USP28: variants seen among roughly 807,000 people sequenced by gnomAD.
USP28 encodes the protein ubiquitin specific peptidase 28, also known as ubiquitin carboxyl-terminal hydrolase 28.
Under a neutral mutation model 145.0 loss-of-function variants are expected in USP28, and 113 were observed. That is an observed-to-expected ratio of 0.78 (90% CI 0.67 to 0.91). The LOEUF is 0.91. USP28 is among the 40% of genes least tolerant of loss of function. The pLI, the probability that USP28 is intolerant of heterozygous loss-of-function variation, is 0.00. For synonymous variants in USP28, 447 were observed against 450.9 expected (o/e 0.99, Z 0.11); for missense variants, 1,201 against 1,289.6 (o/e 0.93, Z 1.05).
At chr11:113,816,469 T>C (rs992663700) in intron 13 of USP28, among the ~76,000 whole-genome samples, 5 of 152,054 alleles carry the variant, frequency 3.3e-5, no homozygotes, top group African/African-American at 1.2e-4. Context: ...GCTGAGATCA[T>C]GCCACTGTAC....
chr11:113,808,498 T>TA, intron 17 of USP28, 61 bp from the exon 18 acceptor site: 1 of 1,577,704 alleles, frequency 6.3e-7, no homozygotes, highest in Non-Finnish European at 8.6e-7. Context: ...AACACTCAGA[T>TA]AAAAAGCAAG....
intron 16 of USP28, among the ~76,000 whole-genome samples, chr11:113,809,986 G>T (rs1316231172): frequency 6.7e-6 from 1 of 148,796 alleles, no homozygotes; most frequent in Non-Finnish European, 1.5e-5. Context: ...AGTAAGCTGA[G>T]GTTGCGCCAC....
chr11:113,865,463 G>A (rs377078898), intron 1 of USP28, among the ~76,000 whole-genome samples: 4 of 152,096 alleles, frequency 2.6e-5, no homozygotes, highest in African/African-American at 4.8e-5. Context: ...CCAAAGCTAC[G>A]GTTATCATAA....
chr11:113,850,480 GA>G (rs1448463710), intron 3 of USP28, among the ~76,000 whole-genome samples: 5 of 152,114 alleles, frequency 3.3e-5, no homozygotes, highest in Admixed American at 3.3e-4. Flanking sequence ...AATGTTGACC[GA>G]AAAAAGTTGC....
rs1591322433 is a variant in USP28 at position 113,834,021 on chromosome 11, C to A, written c.621+228G>T. 2.0e-5 allele frequency among the ~76,000 whole-genome samples: 3 copies of A among 152,206 alleles called. No homozygotes were observed. In the South Asian group the frequency reaches 6.2e-4, roughly 31 times the overall value. ...CAACAGGTATTCAGGGTCTCCCCAC[C>A]CACATATTCTTGGAGCTGTTTTTCT... On this transcript the variant is annotated intron_variant, in intron 6 of 24. Coordinates refer to ENST00000003302, the Ensembl canonical transcript of USP28.
exon 5 of USP28, chr11:113,840,749 T>C: frequency 2.5e-6 from 4 of 1,614,094 alleles, no homozygotes; most frequent in Non-Finnish European, 3.4e-6. Flanking sequence ...AGAGGTTGCT[T>C]CATGCATCCT....
At chr11:113,833,235 A>T (rs1459317155) in intron 7 of USP28, among the ~76,000 whole-genome samples, 185 bp downstream of exon 7, 1 of 152,090 alleles carries the variant, frequency 6.6e-6, no homozygotes, top group Admixed American at 6.6e-5. Flanking sequence ...ACACACGCAC[A>T]CTCTCTCACA....
At chr11:113,800,598 T>C (rs893660438) in intron 24 of USP28, among the ~76,000 whole-genome samples, 1 of 152,010 alleles carries the variant, frequency 6.6e-6, no homozygotes, top group South Asian at 2.1e-4. Flanking sequence ...GCCCCATCAA[T>C]AGAGTATCTC....
chr11:113,872,046 C>T (rs1305077063), intron 1 of USP28, among the ~76,000 whole-genome samples: 1 of 152,176 alleles, frequency 6.6e-6, no homozygotes, highest in Non-Finnish European at 1.5e-5. Flanking sequence ...TGAGAGAATG[C>T]TATGTTAAGT....
intron 1 of USP28, among the ~76,000 whole-genome samples, chr11:113,869,897 T>G (rs1275516860): frequency 1.3e-5 from 2 of 152,168 alleles, no homozygotes; most frequent in Non-Finnish European, 2.9e-5. Context: ...AGCCAGGTGT[T>G]CACGCCTGTA....
intron 6 of USP28, 145 bp from the exon 7 acceptor site, chr11:113,833,702 G>C (rs1399407729): frequency 1.4e-6 from 1 of 729,348 alleles, no homozygotes; most frequent in Non-Finnish European, 2.2e-6. Flanking sequence ...TGTGTTACAG[G>C]GACTCTGGTA....
Position 113,875,452 on chromosome 11 carries a change from TG to T in USP28, c.49del (p.His17ThrfsTer9). ...CGCCGCCGCGGAGCCCACCGAGCCG[TG>T]GCCGTCTGCCGCGCCGGCCGCGTCG... On this transcript the variant is annotated frameshift_variant, in exon 1 of 25. Transcript: ENST00000003302. LOFTEE classifies it high-confidence loss of function. 1 of 1,249,086 alleles carries T rather than the reference TG, an allele frequency of 8.0e-7. No individual in the cohort carries two copies. The highest frequency in any genetic ancestry group is 3.9e-5 in the East Asian group (1 of 25,904). The allele number at this position is 1,249,086 out of a possible 1,614,324, so 77.4% of individuals were successfully genotyped here.
At chr11:113,868,959 G>A (rs1215703386) in intron 1 of USP28, among the ~76,000 whole-genome samples, 1 of 151,294 alleles carries the variant, frequency 6.6e-6, no homozygotes, top group Admixed American at 6.6e-5. Context: ...GAAAGAAAAG[G>A]AATAAATAAA....
chr11:113,859,910 C>G (rs1348523468), intron 1 of USP28, among the ~76,000 whole-genome samples: 1 of 152,190 alleles, frequency 6.6e-6, no homozygotes. Context: ...GACAGGCAAA[C>G]ACAAACCTTT....
At chr11:113,828,894 G>A in intron 10 of USP28, 1 of 544,666 alleles carries the variant, frequency 1.8e-6, no homozygotes, top group East Asian at 4.5e-5. Flanking sequence ...GGAGGCAGTG[G>A]GTTCTCCCTA....
At chr11:113,852,583 T>C (rs1307819645) in exon 3 of USP28, 1 of 1,614,076 alleles carries the variant, frequency 6.2e-7, no homozygotes. Context: ...GCTCCTTAAC[T>C]CTCTCATCAG....
At chr11:113,862,437 T>C (rs540061910) in intron 1 of USP28, among the ~76,000 whole-genome samples, 25 of 152,272 alleles carry the variant, frequency 1.6e-4, no homozygotes, top group African/African-American at 5.8e-4. Context: ...TTTGATCTGA[T>C]GAACAATGGA....
chr11:113,861,117 ACACCTCAAAAAAAAAAAAAAAAC>A (rs1947642014), intron 1 of USP28, among the ~76,000 whole-genome samples: 1 of 149,988 alleles, frequency 6.7e-6, no homozygotes, highest in African/African-American at 2.5e-5. Context: ...AAGCGAGACT[ACACCTCAAAAAAAAAAAAAAAAC>A]CACCTCTGTC....
intron 18 of USP28, among the ~76,000 whole-genome samples, chr11:113,807,039 C>T (rs1940102921): frequency 6.6e-6 from 1 of 151,422 alleles, no homozygotes; most frequent in Admixed American, 6.6e-5. Flanking sequence ...AGCGACTATA[C>T]AAATATGACT....
Sources: gnomAD v4.1 joint callset for allele counts (sites outside exome capture counted in the v4.1 genomes callset) on GRCh38, gnomAD v4.1.1 for gene constraint, MANE v1.5 for transcripts, NCBI Gene and HGNC (gene_info 2026-07-23, HGNC 2026-07-21) for gene names.